Variants in ZNF862 observed in about 807,000 individuals in gnomAD.
ZNF862 encodes the protein zinc finger protein 862.
Under a neutral mutation model 91.1 loss-of-function variants are expected in ZNF862, and 64 were observed. That is an observed-to-expected ratio of 0.70 (90% CI 0.57 to 0.87). ZNF862 has a LOEUF of 0.87. Among genes scored for constraint, ZNF862 ranks in the 40% least tolerant of loss-of-function variants. The probability of loss-of-function intolerance (pLI) is 0.00; values close to 1 mark genes in which losing one functional copy is unlikely to be tolerated. For synonymous variants in ZNF862, 631 were observed against 618.1 expected (o/e 1.02, Z -0.31); for missense variants, 1,459 against 1,528.0 (o/e 0.95, Z 0.75).
intron 4 of ZNF862, among the ~76,000 whole-genome samples, chr7:149,848,891 C>G (rs1801969158): frequency 6.6e-6 from 1 of 152,106 alleles, no homozygotes; most frequent in Admixed American, 6.5e-5. Flanking sequence ...GCCTTTACCT[C>G]CAAGGCTCAA....
intron 1 of ZNF862, 71 bp downstream of exon 1, chr7:149,838,706 G>A: frequency 2.9e-6 from 3 of 1,020,314 alleles, no homozygotes; most frequent in Non-Finnish European, 2.5e-6. Context: ...GGCGAGGCGG[G>A]GCGGCTCGGG....
chr7:149,843,122 A>G (rs192859249), intron 1 of ZNF862, among the ~76,000 whole-genome samples: 1 of 152,330 alleles, frequency 6.6e-6, no homozygotes, highest in East Asian at 1.9e-4. Flanking sequence ...GGTGATCTTA[A>G]TACATTTTTT....
At chr7:149,859,073 G>A (rs181220544) in intron 5 of ZNF862, 20 of 329,334 alleles carry the variant, frequency 6.1e-5, no homozygotes, top group East Asian at 5.3e-4. Flanking sequence ...GGGCACACGC[G>A]TGGGCCAGCT....
chr7:149,862,061 T>C lies in ZNF862; in HGVS notation c.2901T>C (p.Asp967=), dbSNP rs886816503. 4 of 1,613,586 alleles carry C rather than the reference T, an allele frequency of 2.5e-6. No individual in the cohort carries two copies. The highest frequency in any genetic ancestry group is 3.4e-6 in the Non-Finnish European group (4 of 1,179,888). The part of the protein sequence containing the change: ...SGIELASFGN[D]DILNLARYFE... Reference sequence around the variant, plus strand: ...TTGAACTTGCCAGTTTTGGGAATGATGACATTCTCAACCTGGCCAGGTATT... The same window carrying C: ...TTGAACTTGCCAGTTTTGGGAATGACGACATTCTCAACCTGGCCAGGTATT... The change falls in exon 7 of 8, where the codon GAT becomes GAC. Residue 967 remains aspartate, a synonymous_variant. Coordinates refer to ENST00000223210, the MANE Select transcript of ZNF862 (RefSeq NM_001099220.3).
Position 149,859,506 on chromosome 7 carries a change from G to C in ZNF862, c.1202G>C (p.Trp401Ser), listed in dbSNP as rs765577039. Residue 401 changes from tryptophan (W) to serine (S), a missense_variant, in exon 6 of 8, where the codon TGG (tryptophan) becomes TCG (serine). Physicochemically the swap from Trp to Ser is radical, Grantham distance 177. Transcript: ENST00000223210. ...ATCAAGGACCCAAATGGGCCAAAGT[G>C]GGGGAAAGGTCGTCCTCCAGGTGAG... ...PWIKDPNGPKWGKGRPPGNKK... is the reference protein window; with the variant it reads ...PWIKDPNGPKSGKGRPPGNKK... 20 of 1,580,498 alleles carry C rather than the reference G, an allele frequency of 1.3e-5. No homozygotes were observed. The highest frequency in any genetic ancestry group is 8.1e-5 in the South Asian group (7 of 85,974).
intron 1 of ZNF862, among the ~76,000 whole-genome samples, chr7:149,839,439 A>C (rs1426282731): frequency 6.6e-6 from 1 of 152,186 alleles, no homozygotes; most frequent in East Asian, 1.9e-4. Flanking sequence ...CCCTTAAAAA[A>C]CTGTCCATTT....
In ZNF862 at chr7:149,865,751, C is replaced by G. The variant is rs1333991054; in HGVS notation, c.*1467C>G. On this transcript the variant is annotated 3_prime_UTR_variant, in exon 8 of 8. Transcript: ENST00000223210. Reference sequence around the variant, plus strand: ...AGGCAGGAAGTGGGCGCCATCCATCCCAGCTTGCTTGCTGCCTGGCTCAGG... The same window carrying G: ...AGGCAGGAAGTGGGCGCCATCCATCGCAGCTTGCTTGCTGCCTGGCTCAGG... 1 of 152,222 alleles carries G rather than the reference C, an allele frequency of 6.6e-6. No individual in the cohort carries two copies. The allele number at this position is 152,222 out of a possible 1,614,324, so 9.4% of individuals were successfully genotyped here. A position where few individuals can be genotyped will look rare whatever the true frequency, so the allele number is the denominator to read the frequency against.
rs756141397 is a variant in ZNF862, at chr7:149,846,224, G to A, written c.210G>A (p.Gln70=). Residue 70 remains glutamine, a synonymous_variant, in exon 3 of 8, where the codon CAG becomes CAA. Coordinates refer to ENST00000223210, the MANE Select transcript of ZNF862 (RefSeq NM_001099220.3). ...CAGAGCCATGGCTTGGCAGCGTCCA[G>A]GGCCAGAGGAGCCTTCTGGAGCATC... ...RGPEPWLGSV[Q]GQRSLLEHHP... The A allele has an allele frequency of 4.3e-6, 7 of 1,613,750 alleles. No homozygotes were observed. The highest frequency in any genetic ancestry group is 2.2e-5 in the South Asian group (2 of 91,020).
At chr7:149,843,199 G>A (rs115968384) in intron 1 of ZNF862, among the ~76,000 whole-genome samples, 1,895 of 152,156 alleles carry the variant, frequency 0.012, 45 homozygotes, top group African/African-American at 0.044. Flanking sequence ...AATAGTGACC[G>A]GTAAGAATGA....
chr7:149,866,756 C>G lies in ZNF862; in HGVS notation c.*2472C>G, dbSNP rs992869459. ...TCCGTTCCCCTTTGTCAGCCAATGGCCAAGAAGGAAGAAGATGACTGCCAT... is the reference window on the plus strand; with the variant it reads ...TCCGTTCCCCTTTGTCAGCCAATGGGCAAGAAGGAAGAAGATGACTGCCAT... On this transcript the variant is annotated 3_prime_UTR_variant, in exon 8 of 8. Coordinates refer to ENST00000223210, the MANE Select transcript of ZNF862 (RefSeq NM_001099220.3). 2.6e-5 allele frequency: 4 copies of G among 152,224 alleles called. No homozygotes were observed. Among genetic ancestry groups the G allele is most frequent in the African/African-American group, 4.8e-5 (2 of 41,442 alleles). 9.4% of individuals were successfully genotyped at this position (152,224 alleles called of 1,614,324 possible). A position where few individuals can be genotyped will look rare whatever the true frequency, so the allele number is the denominator to read the frequency against.
intron 7 of ZNF862, among the ~76,000 whole-genome samples, chr7:149,862,930 A>G (rs1015968060): frequency 2.0e-5 from 3 of 152,236 alleles, no homozygotes; most frequent in Non-Finnish European, 4.4e-5. Context: ...AGGGCTGACC[A>G]GCCCCAGGCA....
rs531258966 is a variant in ZNF862, at chr7:149,844,654, G to A, written c.54G>A (p.Val18=). The change falls in exon 2 of 8, where the codon GTG becomes GTA. Residue 18 remains valine, a synonymous_variant. Coordinates refer to ENST00000223210, the MANE Select transcript of ZNF862 (RefSeq NM_001099220.3). ...CTGTGACGTTTGATGACATCACTGT[G>A]TACTTACTCCAGGAGGAATGGGTGC... ...KAPVTFDDIT[V]YLLQEEWVLL... The A allele has an allele frequency of 6.2e-7, 1 of 1,605,488 alleles. No homozygotes were observed. Among genetic ancestry groups the A allele is most frequent in the Non-Finnish European group, 8.5e-7 (1 of 1,175,844 alleles).
rs1207726715 is a variant in ZNF862 at position 149,848,314 on chromosome 7, T to C, written c.821T>C (p.Ile274Thr). The C allele has an allele frequency of 6.2e-7, 1 of 1,608,052 alleles. No homozygotes were observed. The highest frequency in any genetic ancestry group is 1.1e-5 in the South Asian group (1 of 90,014). The stretch of plus-strand genomic sequence containing the variant: ...GAGGACCCTGGGGGGGATGGAGCAA[T>C]TCCTGCAATGTATCTAGACTGCATT... The part of the protein sequence containing the change: ...ELEDPGGDGA[I>T]PAMYLDCISD... Residue 274 changes from isoleucine (I) to threonine (T), a missense_variant, in exon 4 of 8, where the codon ATT becomes ACT. Coordinates refer to ENST00000223210, the MANE Select transcript of ZNF862 (RefSeq NM_001099220.3).
At chr7:149,844,886 C>A (rs1211990956) in intron 2 of ZNF862, 150 bp downstream of exon 2, 3 of 596,232 alleles carry the variant, frequency 5.0e-6, no homozygotes, top group Non-Finnish European at 9.0e-6. Context: ...CCCGTATCTA[C>A]CTTAATTGCA....
chr7:149,847,393 A>G (rs1191020745), intron 3 of ZNF862, among the ~76,000 whole-genome samples: 1 of 152,194 alleles, frequency 6.6e-6, no homozygotes, highest in Admixed American at 6.5e-5. Flanking sequence ...GTTCTTATCC[A>G]TAAATAAATT....
chr7:149,841,845 CTCCT>C (rs1801717483), intron 1 of ZNF862: 1 of 742,934 alleles, frequency 1.3e-6, no homozygotes, highest in African/African-American at 1.9e-5. Context: ...TGTCTGCCAC[CTCCT>C]GATAGATTTT....
chr7:149,856,637 C>A (rs771913726), intron 5 of ZNF862, among the ~76,000 whole-genome samples: 1 of 152,214 alleles, frequency 6.6e-6, no homozygotes. Flanking sequence ...TTCATTCTTT[C>A]TCTGGAGACT....
rs1802224970 is a variant in ZNF862 at position 149,855,398 on chromosome 7, A to G, written c.1118-4024A>G. Reference sequence around the variant, plus strand: ...CCTCCTCAACCTGCTGCGGCTGTAGAATCTGGACCCATGCCATAGGAAGAA... The same window carrying G: ...CCTCCTCAACCTGCTGCGGCTGTAGGATCTGGACCCATGCCATAGGAAGAA... On this transcript the variant is annotated intron_variant, in intron 5 of 7. Coordinates refer to ENST00000223210, the MANE Select transcript of ZNF862 (RefSeq NM_001099220.3). The surrounding 1 kb of genome is among the most constrained non-coding windows in gnomAD (Gnocchi z 4.1). Among the ~76,000 whole-genome samples the G allele has an allele frequency of 6.6e-6, 1 of 152,172 alleles. No individual in the cohort carries two copies. Among genetic ancestry groups the G allele is most frequent in the Non-Finnish European group, 1.5e-5 (1 of 68,032 alleles).
At chr7:149,856,752 C>T (rs1381809146) in intron 5 of ZNF862, among the ~76,000 whole-genome samples, 7 of 152,158 alleles carry the variant, frequency 4.6e-5, no homozygotes. Context: ...CCCCATTTCC[C>T]GAGTCTGTCT....
Sources: gnomAD v4.1 joint callset for allele counts (sites outside exome capture counted in the v4.1 genomes callset) on GRCh38, gnomAD v4.1.1 for gene constraint, Gnocchi (gnomAD v3.1) non-coding constraint, MANE v1.5 for transcripts, NCBI Gene and HGNC (gene_info 2026-07-23, HGNC 2026-07-21) for gene names.